ENOX1: variants seen among roughly 807,000 people sequenced by gnomAD.
The protein encoded by ENOX1 is candidate growth-related and time keeping constitutive hydroquinone (NADH) oxidase.
Under a neutral mutation model 82.5 loss-of-function variants are expected in ENOX1, and 42 were observed. The observed-to-expected ratio is 0.51, with a 90% CI of 0.40 to 0.66. ENOX1 has a LOEUF of 0.66. ENOX1 is among the 30% of genes least tolerant of loss of function. The pLI is 0.00. For synonymous variants in ENOX1, 271 were observed against 282.2 expected, an observed-to-expected ratio of 0.96 and a Z score of 0.40; for missense variants, 608 against 811.6, an observed-to-expected ratio of 0.75 and a Z score of 3.05.
chr13:43,260,119 G>C (rs1041499297), intron 14 of ENOX1, among the ~76,000 whole-genome samples: 1 of 152,166 alleles, frequency 6.6e-6, no homozygotes, highest in Non-Finnish European at 1.5e-5. Flanking sequence ...AAAATACATG[G>C]TTAATGATAG....
At chr13:43,537,302 T>A (rs1459239330) in intron 2 of ENOX1, among the ~76,000 whole-genome samples, 1 of 152,082 alleles carries the variant, frequency 6.6e-6, no homozygotes, top group African/African-American at 2.4e-5. Flanking sequence ...CAGCTACCAA[T>A]GACAAGTGAA....
intron 1 of ENOX1, among the ~76,000 whole-genome samples, chr13:43,778,404 A>C (rs901680726): frequency 1.3e-5 from 2 of 152,184 alleles, no homozygotes; most frequent in Non-Finnish European, 2.9e-5. Context: ...TGACAGAACA[A>C]GAGGAAAAAA....
intron 3 of ENOX1, chr13:43,458,403 C>G (rs1020033487): frequency 1.3e-5 from 2 of 152,114 alleles, no homozygotes; most frequent in African/African-American, 4.8e-5. Flanking sequence ...AAACCTTAAG[C>G]TGTCTAAAAG....
At chr13:43,577,306 AT>A (rs1482837021) in intron 2 of ENOX1, among the ~76,000 whole-genome samples, 1 of 151,898 alleles carries the variant, frequency 6.6e-6, no homozygotes, top group African/African-American at 2.4e-5. Context: ...TAATTTTTGT[AT>A]TTTTAGTAGA....
intron 1 of ENOX1, among the ~76,000 whole-genome samples, chr13:43,751,053 T>C (rs1342972671): frequency 6.6e-6 from 1 of 152,172 alleles, no homozygotes; most frequent in Non-Finnish European, 1.5e-5. Flanking sequence ...TACCTACCTC[T>C]CTAGCTTCAT....
chr13:43,571,113 C>T (rs1363686985), intron 2 of ENOX1, among the ~76,000 whole-genome samples: 2 of 152,134 alleles, frequency 1.3e-5, no homozygotes, highest in Non-Finnish European at 2.9e-5. Flanking sequence ...ATAAAAGGCA[C>T]AGAATCTCCT....
chr13:43,680,209 T>TA (rs1301592786), intron 1 of ENOX1, among the ~76,000 whole-genome samples: 4 of 152,226 alleles, frequency 2.6e-5, no homozygotes, highest in Admixed American at 2.0e-4. Context: ...AAGTATGGTT[T>TA]AACTGTATTA....
At chr13:43,383,472 G>C (rs967281700) in intron 5 of ENOX1, among the ~76,000 whole-genome samples, 1 of 152,182 alleles carries the variant, frequency 6.6e-6, no homozygotes, top group African/African-American at 2.4e-5. Context: ...GATAAAGCTA[G>C]TGTAAGTATT....
At chr13:43,679,832 C>G (rs905655973) in intron 1 of ENOX1, among the ~76,000 whole-genome samples, 1 of 152,214 alleles carries the variant, frequency 6.6e-6, no homozygotes, top group African/African-American at 2.4e-5. Flanking sequence ...AAGATATTAT[C>G]TGCATATCAT....
intron 3 of ENOX1, among the ~76,000 whole-genome samples, chr13:43,470,341 C>CGTATATATATAT (rs1566306774): frequency 0.015 from 120 of 8,044 alleles, 13 homozygotes; most frequent in African/African-American, 0.024. Flanking sequence ...TATATATATA[C>CGTATATATATAT]GTATATATAT....
intron 5 of ENOX1, among the ~76,000 whole-genome samples, chr13:43,380,865 C>T (rs1006058262): frequency 6.6e-6 from 1 of 151,276 alleles, no homozygotes; most frequent in Non-Finnish European, 1.5e-5. Context: ...TATAACAATC[C>T]CAAATATTTA....
chr13:43,293,450 C>T (rs545793698), intron 12 of ENOX1, among the ~76,000 whole-genome samples: 94 of 152,248 alleles, frequency 6.2e-4, no homozygotes, highest in African/African-American at 2.2e-3. Flanking sequence ...ATCACCCTCA[C>T]CTCCAGAGCC....
chr13:43,426,723 T>C (rs2055328322), intron 3 of ENOX1, among the ~76,000 whole-genome samples: 2 of 152,184 alleles, frequency 1.3e-5, no homozygotes, highest in South Asian at 4.1e-4. Context: ...TCTTGACTAT[T>C]ACGGCAATTA....
chr13:43,632,105 T>C (rs2083240731), intron 2 of ENOX1, among the ~76,000 whole-genome samples: 1 of 152,214 alleles, frequency 6.6e-6, no homozygotes, highest in African/African-American at 2.4e-5. Flanking sequence ...TATTGAGATG[T>C]TAGGTTTTTT....
intron 2 of ENOX1, among the ~76,000 whole-genome samples, chr13:43,633,742 T>A (rs1261826268): frequency 6.6e-6 from 1 of 151,894 alleles, no homozygotes; most frequent in African/African-American, 2.4e-5. Flanking sequence ...TGTATATATG[T>A]ATACATATAT....
At chr13:43,769,413 C>A (rs1182396808) in intron 1 of ENOX1, among the ~76,000 whole-genome samples, 2 of 151,008 alleles carry the variant, frequency 1.3e-5, no homozygotes, top group African/African-American at 2.5e-5. Flanking sequence ...TCACTGATTT[C>A]TAAGTTAATT....
intron 2 of ENOX1, among the ~76,000 whole-genome samples, chr13:43,653,063 C>A (rs2084268606): frequency 6.6e-6 from 1 of 152,172 alleles, no homozygotes; most frequent in Non-Finnish European, 1.5e-5. Flanking sequence ...CTACAGAGTC[C>A]CTCTCTGGGA....
At chr13:43,273,009 C>A (rs185587393) in intron 12 of ENOX1, among the ~76,000 whole-genome samples, 1 of 152,188 alleles carries the variant, frequency 6.6e-6, no homozygotes, top group East Asian at 1.9e-4. Flanking sequence ...ATCCTATTCA[C>A]GCCCATGGCT....
Position 43,453,993 on chromosome 13 carries a change from A to G in ENOX1, c.-75+30016T>C, listed in dbSNP as rs111612683. Among the ~76,000 whole-genome samples, 180 of 152,208 alleles carry G rather than the reference A, an allele frequency of 1.2e-3. 1 individual carries two copies. The highest frequency in any genetic ancestry group is 4.1e-3 in the African/African-American group (172 of 41,530). On this transcript the variant is annotated intron_variant, in intron 3 of 16. Coordinates refer to ENST00000690772, the MANE Select transcript of ENOX1 (RefSeq NM_001347969.2). ...TTGCTATTAGACATGAGATAGATAA[A>G]TGAGTTTTGAAAGATTAAAAAATCA...
Sources: allele counts gnomAD v4.1 joint callset (sites outside exome capture counted in the v4.1 genomes callset), GRCh38; gene constraint gnomAD v4.1.1; transcripts MANE v1.5; gene names NCBI Gene and HGNC (gene_info 2026-07-23, HGNC 2026-07-21).